Variants in FHIT observed in about 807,000 individuals in gnomAD.
FHIT encodes the protein fragile histidine triad diadenosine triphosphatase.
In FHIT, 19 loss-of-function variants were observed where a neutral mutation model predicts 17.9. The observed-to-expected ratio is 1.06, with a 90% CI of 0.74 to 1.56. FHIT has a LOEUF of 1.56. Among genes scored for constraint, FHIT ranks in the 40% most tolerant of loss-of-function variants. The pLI is 0.00. For synonymous variants in FHIT, 81 were observed against 69.7 expected, an observed-to-expected ratio of 1.16 and a Z score of -0.81; for missense variants, 248 against 189.2, an observed-to-expected ratio of 1.31 and a Z score of -1.82.
intron 3 of FHIT, among the ~76,000 whole-genome samples, chr3:60,873,982 A>G (rs782304680): frequency 6.6e-6 from 1 of 152,164 alleles, no homozygotes; most frequent in Non-Finnish European, 1.5e-5. Flanking sequence ...CACTATTTAT[A>G]TGGTATGTGT....
chr3:61,094,461 G>T (rs889015181), intron 2 of FHIT, among the ~76,000 whole-genome samples: 3 of 152,088 alleles, frequency 2.0e-5, no homozygotes, highest in Non-Finnish European at 4.4e-5. Flanking sequence ...TTCCCATATG[G>T]TATTCAGCAC....
At chr3:60,268,501 A>C (rs533130182) in intron 5 of FHIT, among the ~76,000 whole-genome samples, 1 of 152,244 alleles carries the variant, frequency 6.6e-6, no homozygotes, top group Non-Finnish European at 1.5e-5. Context: ...GGACTGGCAC[A>C]GTCAGAGACC....
At chr3:59,890,241 T>C (rs1345212895) in intron 8 of FHIT, among the ~76,000 whole-genome samples, 1 of 152,084 alleles carries the variant, frequency 6.6e-6, no homozygotes, top group African/African-American at 2.4e-5. Flanking sequence ...TATTGCCCTG[T>C]GGGGACTCCA....
In FHIT at chr3:61,177,019, C is replaced by T. The variant is rs191028815; in HGVS notation, c.-164+23598G>A. ...TGAAACCCCGTCTCTACTAAAAATA[C>T]AAAATAAATTAGCCAGGCATGGCGG... On this transcript the variant is annotated intron_variant, in intron 2 of 9. Transcript: ENST00000492590. Among the ~76,000 whole-genome samples, 316 of 152,196 alleles carry T rather than the reference C, an allele frequency of 2.1e-3. 2 individuals are homozygous for T. The highest frequency in any genetic ancestry group is 1.5e-3 in the Non-Finnish European group (102 of 68,008).
Position 60,569,744 on chromosome 3 carries a change from T to TAC in FHIT, c.-17-32766_-17-32765insGT, listed in dbSNP as rs1559547632. 4.1e-3 allele frequency among the ~76,000 whole-genome samples: 315 copies of TAC among 76,160 alleles called. 10 individuals are homozygous for TAC. Among genetic ancestry groups the TAC allele is most frequent in the East Asian group, 0.031 (71 of 2,274 alleles). 50.0% of individuals were successfully genotyped at this position (76,160 alleles called of 152,430 possible). A position where few individuals can be genotyped will look rare whatever the true frequency, so the allele number is the denominator to read the frequency against. On this transcript the variant is annotated intron_variant, in intron 4 of 9. Transcript: ENST00000492590. ...TTAATACTATATATATATATATATA[T>TAC]ATATATATATATTTTTTTTTTTTTT... is the stretch of plus-strand genomic sequence containing the variant.
At chr3:59,908,816 A>C (rs1322872239) in intron 8 of FHIT, among the ~76,000 whole-genome samples, 1 of 41,262 alleles carries the variant, frequency 2.4e-5, no homozygotes, top group Non-Finnish European at 7.1e-5. Flanking sequence ...CAGAAATTCA[A>C]CTGAACTTTG....
intron 4 of FHIT, among the ~76,000 whole-genome samples, chr3:60,540,611 C>T (rs2036155579): frequency 1.3e-5 from 2 of 152,184 alleles, no homozygotes; most frequent in African/African-American, 4.8e-5. Context: ...GTAGTCTTTG[C>T]TGATTGTTGT....
chr3:61,007,564 G>C (rs1490517874), intron 3 of FHIT, among the ~76,000 whole-genome samples: 1 of 152,162 alleles, frequency 6.6e-6, no homozygotes, highest in Non-Finnish European at 1.5e-5. Flanking sequence ...TCCTACCAAA[G>C]ATGGAGTCAC....
chr3:61,022,259 T>A (rs896789402), intron 3 of FHIT, among the ~76,000 whole-genome samples: 9 of 152,236 alleles, frequency 5.9e-5, no homozygotes, highest in African/African-American at 1.9e-4. Context: ...ATGGATAAAT[T>A]CCTGGACACA....
At chr3:60,017,074 A>G (rs1454565831) in intron 5 of FHIT, among the ~76,000 whole-genome samples, 1 of 152,224 alleles carries the variant, frequency 6.6e-6, no homozygotes, top group African/African-American at 2.4e-5. Context: ...TATTAATGAC[A>G]GTGCTGTGAT....
chr3:59,850,923 T>A (rs779547357), intron 8 of FHIT, among the ~76,000 whole-genome samples: 7 of 152,252 alleles, frequency 4.6e-5, no homozygotes, highest in South Asian at 4.2e-4. Flanking sequence ...TCACCAAAGC[T>A]CCCCTTCGAG....
At chr3:60,595,699 C>T (rs1169674461) in intron 4 of FHIT, among the ~76,000 whole-genome samples, 2 of 151,636 alleles carry the variant, frequency 1.3e-5, no homozygotes, top group African/African-American at 2.4e-5. Context: ...TTGCCAGTGC[C>T]GTCGTGCAGT....
chr3:61,218,416 T>C (rs2039744976), intron 1 of FHIT, among the ~76,000 whole-genome samples: 1 of 151,778 alleles, frequency 6.6e-6, no homozygotes, highest in Non-Finnish European at 1.5e-5. Flanking sequence ...CAGTTTGGAG[T>C]TGGTTAAGAC....
intron 4 of FHIT, among the ~76,000 whole-genome samples, chr3:60,609,129 T>C (rs2038701266): frequency 6.6e-6 from 1 of 152,090 alleles, no homozygotes; most frequent in Non-Finnish European, 1.5e-5. Flanking sequence ...TGGGGATTGA[T>C]GCATGACTCC....
chr3:60,355,476 A>AG (rs958427445), intron 5 of FHIT, among the ~76,000 whole-genome samples: 21 of 151,706 alleles, frequency 1.4e-4, no homozygotes, highest in African/African-American at 4.4e-4. Context: ...GCTTTATTTG[A>AG]GAAAAAAAAA....
chr3:60,907,473 G>A (rs1371832147), intron 3 of FHIT, among the ~76,000 whole-genome samples: 5 of 152,070 alleles, frequency 3.3e-5, no homozygotes, highest in African/African-American at 1.2e-4. Flanking sequence ...AAAAGAAAAT[G>A]GAAATAAGGA....
At chr3:60,944,610 C>A (rs1164570178) in intron 3 of FHIT, among the ~76,000 whole-genome samples, 4 of 152,114 alleles carry the variant, frequency 2.6e-5, no homozygotes, top group African/African-American at 7.2e-5. Context: ...CATAGTGTGG[C>A]AGAGTAATGG....
At chr3:60,332,251 G>T (rs1490826033) in intron 5 of FHIT, among the ~76,000 whole-genome samples, 1 of 152,186 alleles carries the variant, frequency 6.6e-6, no homozygotes, top group Admixed American at 6.5e-5. Context: ...ACTCCTAAAT[G>T]ATAAAGCCAG....
intron 4 of FHIT, among the ~76,000 whole-genome samples, chr3:60,712,417 C>G (rs12497501): frequency 1.3e-5 from 2 of 151,774 alleles, no homozygotes; most frequent in African/African-American, 2.4e-5. Flanking sequence ...ATCAAATTCA[C>G]ACATAACAAT....
Sources: gnomAD v4.1 joint callset for allele counts (sites outside exome capture counted in the v4.1 genomes callset) on GRCh38, gnomAD v4.1.1 for gene constraint, MANE v1.5 for transcripts, NCBI Gene and HGNC (gene_info 2026-07-23, HGNC 2026-07-21) for gene names.